Variants in ANK3 observed in about 807,000 individuals in gnomAD.
ANK3 encodes ankyrin-3.
In ANK3, 57 loss-of-function variants were observed where a neutral mutation model predicts 370.9. The ratio of observed to expected loss-of-function variants is 0.15; its 90% CI spans 0.12 to 0.19. ANK3 has a LOEUF of 0.19. Among genes scored for constraint, ANK3 ranks in the 10% least tolerant of loss-of-function variants. The pLI, the probability that ANK3 is intolerant of heterozygous loss-of-function variation, is 1.00. For missense variants in ANK3, 4,439 were observed against 5,302.1 expected (o/e 0.84, Z 5.06); for synonymous variants, 1,929 against 1,946.3 (o/e 0.99, Z 0.23).
At chr10:60,230,121 G>A (rs187189565) in intron 8 of ANK3, among the ~76,000 whole-genome samples, 1 of 152,256 alleles carries the variant, frequency 6.6e-6, no homozygotes, top group African/African-American at 2.4e-5. Flanking sequence ...AAAAGAGATA[G>A]AGAACTCAAG....
At chr10:60,196,727 T>G (rs747612662) in intron 14 of ANK3, 102 bp from the exon 15 acceptor site, 2 of 700,092 alleles carry the variant, frequency 2.9e-6, no homozygotes, top group Non-Finnish European at 4.8e-6. Context: ...AGATATGACA[T>G]AAGGGCACTG....
chr10:60,230,463 C>T (rs1043680721), intron 8 of ANK3, among the ~76,000 whole-genome samples: 5 of 152,154 alleles, frequency 3.3e-5, no homozygotes, highest in African/African-American at 1.2e-4. Context: ...GCACATGTCC[C>T]ACCACTATGA....
chr10:60,341,928 G>C (rs1185873681), intron 1 of ANK3, among the ~76,000 whole-genome samples: 1 of 152,128 alleles, frequency 6.6e-6, no homozygotes, highest in Non-Finnish European at 1.5e-5. Context: ...GTATCTCAAT[G>C]GTGGTTTAGC....
intron 40 of ANK3, chr10:60,060,672 T>G (rs2080246204): frequency 6.6e-6 from 1 of 152,146 alleles, no homozygotes; most frequent in South Asian, 2.1e-4. Context: ...TTTAAAAGAC[T>G]CCATGTAGTT....
At chr10:60,197,230 G>C (rs2096600295) in intron 14 of ANK3, among the ~76,000 whole-genome samples, 1 of 152,178 alleles carries the variant, frequency 6.6e-6, no homozygotes, top group South Asian at 2.1e-4. Context: ...CATGGTTTTA[G>C]AATGACGACG....
intron 2 of ANK3, among the ~76,000 whole-genome samples, chr10:60,433,194 T>C (rs1269553612): frequency 1.3e-5 from 2 of 152,178 alleles, no homozygotes; most frequent in African/African-American, 4.8e-5. Flanking sequence ...ATGGTGGTTC[T>C]TGCCTGTAAT....
chr10:60,100,256 TGCACCCCAACCACAGTCC>T (rs2091003680), intron 28 of ANK3, among the ~76,000 whole-genome samples: 1 of 146,276 alleles, frequency 6.8e-6, no homozygotes, highest in African/African-American at 2.6e-5. Context: ...TTTTTTTTTT[TGCACCCCAACCACAGTCC>T]TGATTTGGTT....
rs190969864 is a variant in ANK3, at chr10:60,693,613, C to G, written c.57+39650G>C. The stretch of plus-strand genomic sequence containing the variant: ...GACCCCTGACCCCCAAGCAGCCTAA[C>G]TGGGAGGCACCCCCCAGCAGGGGCA... On this transcript the variant is annotated intron_variant, in intron 1 of 43. Transcript: ENST00000373827. Among the ~76,000 whole-genome samples, 829 of 152,310 alleles carry G rather than the reference C, an allele frequency of 5.4e-3. 20 individuals carry two copies. Among genetic ancestry groups the G allele is most frequent in the Admixed American group, 0.045 (682 of 15,296 alleles).
upstream of ANK3, chr10:60,389,883 T>G (rs535709424): frequency 1.8e-5 from 18 of 983,980 alleles, 1 homozygote; most frequent in African/African-American, 3.0e-4. Context: ...AAGTGATTCC[T>G]CGGAAGGGGG....
At chr10:60,492,747 A>AC (rs1491261961) in intron 2 of ANK3, among the ~76,000 whole-genome samples, 2 of 147,566 alleles carry the variant, frequency 1.4e-5, no homozygotes, top group African/African-American at 5.0e-5. Flanking sequence ...GAAAAAAAAA[A>AC]GAAATGGCAC....
At chr10:60,084,084 A>G (rs1201831149) in intron 32 of ANK3, 1 of 154,302 alleles carries the variant, frequency 6.5e-6, no homozygotes, top group East Asian at 1.9e-4. Context: ...CTATGTTTTA[A>G]CCAGCTAAGA....
intron 2 of ANK3, among the ~76,000 whole-genome samples, chr10:60,588,254 A>C (rs1443866085): frequency 6.6e-6 from 1 of 150,748 alleles, no homozygotes; most frequent in Non-Finnish European, 1.5e-5. Flanking sequence ...GCGCGATCTC[A>C]GCTCACTACA....
chr10:60,147,693 G>A (rs2094900217), intron 23 of ANK3, among the ~76,000 whole-genome samples: 1 of 152,018 alleles, frequency 6.6e-6, no homozygotes, highest in Admixed American at 6.6e-5. Flanking sequence ...AAGGTGAGGG[G>A]CACCTCCCCT....
At chr10:60,685,955 T>A (rs766687233) in intron 1 of ANK3, among the ~76,000 whole-genome samples, 4 of 152,176 alleles carry the variant, frequency 2.6e-5, no homozygotes, top group Admixed American at 6.5e-5. Context: ...ACCCTAGGTA[T>A]AAACAGAAAA....
At chr10:60,646,084 A>G (rs1287467513) in intron 1 of ANK3, among the ~76,000 whole-genome samples, 1 of 152,172 alleles carries the variant, frequency 6.6e-6, no homozygotes, top group Non-Finnish European at 1.5e-5. Flanking sequence ...GGGGGCCTTC[A>G]AGAGAGTACC....
intron 1 of ANK3, among the ~76,000 whole-genome samples, chr10:60,653,869 A>G (rs116383538): frequency 0.043 from 6,597 of 152,304 alleles, 180 homozygotes; most frequent in South Asian, 0.072. Context: ...ACGTGTATCA[A>G]AAACAAACAA....
At chr10:60,427,772 T>C (rs1037597226) in intron 2 of ANK3, among the ~76,000 whole-genome samples, 2 of 152,172 alleles carry the variant, frequency 1.3e-5, no homozygotes, top group African/African-American at 4.8e-5. Flanking sequence ...CCAATCTTCA[T>C]GCACAGAGAG....
At chr10:60,397,313 T>C (rs530658652) in intron 2 of ANK3, among the ~76,000 whole-genome samples, 26 of 152,114 alleles carry the variant, frequency 1.7e-4, no homozygotes, top group Admixed American at 8.5e-4. Flanking sequence ...ATATCCACCA[T>C]GCAGAAATTT....
chr10:60,733,193 C>G, intron 1 of ANK3: 1 of 1,219,982 alleles, frequency 8.2e-7, no homozygotes, highest in Non-Finnish European at 1.0e-6. Flanking sequence ...CCCGGGCCTC[C>G]CGCCCGCCCG....
Sources: allele counts gnomAD v4.1 joint callset (sites outside exome capture counted in the v4.1 genomes callset), GRCh38; gene constraint gnomAD v4.1.1; transcripts MANE v1.5; gene names NCBI Gene and HGNC (gene_info 2026-07-23, HGNC 2026-07-21).